Variants in KANSL1 observed in about 807,000 individuals in gnomAD.
KANSL1 encodes the protein KAT8 regulatory NSL complex subunit 1, also known as MLL1/MLL complex subunit KANSL1.
KANSL1 carries 22 observed loss-of-function variants against 103.6 expected under a neutral mutation model. The ratio of observed to expected loss-of-function variants is 0.21; its 90% CI spans 0.15 to 0.30. The LOEUF (loss-of-function observed/expected upper bound fraction) is 0.30, where lower values mean the gene tolerates loss of function less well. KANSL1 is among the 10% of genes least tolerant of loss of function. The probability of loss-of-function intolerance (pLI) is 1.00; values close to 1 mark genes in which losing one functional copy is unlikely to be tolerated. For missense variants in KANSL1, 1,337 were observed against 1,399.8 expected, an observed-to-expected ratio of 0.96 and a Z score of 0.72; for synonymous variants, 600 against 527.6, an observed-to-expected ratio of 1.14 and a Z score of -1.88.
chr17:46,175,288 A>ATGGTGCTTT, intron 1 of KANSL1, among the ~76,000 whole-genome samples: 1 of 151,582 alleles, frequency 6.6e-6, no homozygotes, highest in Non-Finnish European at 1.5e-5. Context: ...CAATATACAT[A>ATGGTGCTTT]TGGGTCGAAT....
At chr17:46,083,384 T>G (rs572659454) in intron 3 of KANSL1, among the ~76,000 whole-genome samples, 2 of 152,138 alleles carry the variant, frequency 1.3e-5, no homozygotes, top group Non-Finnish European at 2.9e-5. Context: ...GTCTAAAAAA[T>G]AGAGATCTAA....
intron 2 of KANSL1, among the ~76,000 whole-genome samples, chr17:46,101,819 C>A (rs1253599396): frequency 1.3e-5 from 2 of 149,984 alleles, no homozygotes; most frequent in African/African-American, 4.9e-5. Context: ...GATTTAAATT[C>A]CGTATCAAAA....
intron 2 of KANSL1, among the ~76,000 whole-genome samples, chr17:46,143,800 T>C (rs995583333): frequency 8.3e-5 from 4 of 48,306 alleles, no homozygotes; most frequent in Non-Finnish European, 1.5e-4. Context: ...CGAGACTCCA[T>C]CTCAAAAAAA....
chr17:46,067,077 T>C (rs1450273701), intron 5 of KANSL1, among the ~76,000 whole-genome samples: 1 of 152,168 alleles, frequency 6.6e-6, no homozygotes, highest in Non-Finnish European at 1.5e-5. Flanking sequence ...AATGATGAAT[T>C]TTGCAAATGT....
At chr17:46,110,920 C>A (rs2042774850) in intron 2 of KANSL1, among the ~76,000 whole-genome samples, 1 of 152,112 alleles carries the variant, frequency 6.6e-6, no homozygotes, top group Admixed American at 6.5e-5. Flanking sequence ...AATAGTATTA[C>A]AAAAACAGCA....
chr17:46,100,606 G>T (rs2042270885), intron 2 of KANSL1, among the ~76,000 whole-genome samples: 1 of 152,166 alleles, frequency 6.6e-6, no homozygotes, highest in Admixed American at 6.5e-5. Flanking sequence ...GGGTTTAAAA[G>T]GGATTATCAA....
intron 4 of KANSL1, among the ~76,000 whole-genome samples, chr17:46,071,074 T>A (rs916498251): frequency 6.6e-6 from 1 of 152,254 alleles, no homozygotes; most frequent in Admixed American, 6.5e-5. Flanking sequence ...TTGTTTCTCA[T>A]GTCTGCAGGT....
intron 5 of KANSL1, 145 bp downstream of exon 5, chr17:46,067,404 T>C (rs766163767): frequency 6.3e-6 from 4 of 638,624 alleles, no homozygotes; most frequent in Non-Finnish European, 1.1e-5. Context: ...CACTGCTTCA[T>C]TATACAGTGA....
chr17:46,038,498 T>C (rs2077216321), intron 10 of KANSL1, 40 bp downstream of exon 10: 2 of 1,606,398 alleles, frequency 1.2e-6, no homozygotes, highest in Non-Finnish European at 1.7e-6. Context: ...AGCTGTGACC[T>C]GCAGAGGGGG....
intron 1 of KANSL1, among the ~76,000 whole-genome samples, chr17:46,172,532 A>C (rs1315560522): frequency 6.6e-6 from 1 of 152,028 alleles, no homozygotes; most frequent in Admixed American, 6.6e-5. Context: ...TGTTAAAATT[A>C]AATCATCTCC....
chr17:46,033,584 G>A, intron 11 of KANSL1, 124 bp from the exon 12 acceptor site: 1 of 786,256 alleles, frequency 1.3e-6, no homozygotes, highest in Non-Finnish European at 2.2e-6. Flanking sequence ...TGCCGGGTAG[G>A]CTCTGCCCTA....
chr17:46,220,337 C>A (rs1473110566), intron 1 of KANSL1, among the ~76,000 whole-genome samples: 1 of 151,864 alleles, frequency 6.6e-6, no homozygotes, highest in Non-Finnish European at 1.5e-5. Context: ...CTGCCTCAGC[C>A]TCCCAAGTAG....
At chr17:46,116,570 T>G (rs1221194132) in intron 2 of KANSL1, among the ~76,000 whole-genome samples, 1 of 152,160 alleles carries the variant, frequency 6.6e-6, no homozygotes. Context: ...TATTAAACTA[T>G]AATAATGTTT....
chr17:46,200,876 T>G (rs1225664414), intron 1 of KANSL1, among the ~76,000 whole-genome samples: 2 of 152,176 alleles, frequency 1.3e-5, no homozygotes, highest in East Asian at 1.9e-4. Context: ...TTTCCTCCAA[T>G]GAAGCAGCAT....
chr17:46,217,523 G>T (rs886499206), intron 1 of KANSL1, among the ~76,000 whole-genome samples: 30 of 151,876 alleles, frequency 2.0e-4, no homozygotes, highest in Admixed American at 2.0e-3. Flanking sequence ...TTAAAATGAG[G>T]TCATCAGAGA....
At chr17:46,089,146 C>T (rs1475525750) in intron 3 of KANSL1, among the ~76,000 whole-genome samples, 2 of 152,186 alleles carry the variant, frequency 1.3e-5, no homozygotes, top group Non-Finnish European at 2.9e-5. Context: ...ATATTGTTTT[C>T]GTTTCTCCTT....
chr17:46,180,864 T>TAC (rs1452161107), intron 1 of KANSL1, among the ~76,000 whole-genome samples: 3 of 152,126 alleles, frequency 2.0e-5, no homozygotes, highest in African/African-American at 4.8e-5. Flanking sequence ...CATATATATA[T>TAC]ACACACACAT....
At chr17:46,224,227 T>C (rs1442716379), upstream of KANSL1, among the ~76,000 whole-genome samples, 2 of 152,204 alleles carry the variant, frequency 1.3e-5, no homozygotes, top group African/African-American at 4.8e-5. Context: ...AGTTTCAGAG[T>C]CAATTCCACA....
chr17:46,077,614 G>A (rs2078829500), intron 4 of KANSL1, among the ~76,000 whole-genome samples: 1 of 152,166 alleles, frequency 6.6e-6, no homozygotes, highest in Non-Finnish European at 1.5e-5. Flanking sequence ...CTGCAGTGCA[G>A]TGCCATGATC....
Sources: gnomAD v4.1 joint callset for allele counts (sites outside exome capture counted in the v4.1 genomes callset) on GRCh38, gnomAD v4.1.1 for gene constraint, MANE v1.5 for transcripts, NCBI Gene and HGNC (gene_info 2026-07-23, HGNC 2026-07-21) for gene names.